The following G2E3 variants were observed in gnomAD, a reference collection of about 807,000 sequenced individuals.
The protein encoded by G2E3 is G2/M-phase specific E3 ubiquitin protein ligase, also known as G2/M phase-specific E3 ubiquitin-protein ligase.
A neutral mutation model predicts 92.8 loss-of-function variants in G2E3; 35 were observed. The ratio of observed to expected loss-of-function variants is 0.38; its 90% CI spans 0.29 to 0.50. G2E3 has a LOEUF of 0.50. Ranked by LOEUF, G2E3 falls within the 20% of genes least tolerant of loss-of-function variation. G2E3 has a pLI of 0.94. For synonymous variants in G2E3, 242 were observed against 272.4 expected (o/e 0.89, Z 1.10); for missense variants, 554 against 823.8 (o/e 0.67, Z 4.01).
chr14:30,596,069 A>G (rs1415973133), intron 6 of G2E3, among the ~76,000 whole-genome samples: 1 of 120,798 alleles, frequency 8.3e-6, no homozygotes, highest in Non-Finnish European at 1.6e-5. Flanking sequence ...AATATCCTTT[A>G]GGTTCAGAGA....
At chr14:30,582,421 C>G (rs995799946) in intron 2 of G2E3, among the ~76,000 whole-genome samples, 3 of 152,002 alleles carry the variant, frequency 2.0e-5, no homozygotes, top group Admixed American at 2.0e-4. Context: ...TCAAGGCCCT[C>G]CATACTGGGT....
rs114200467 is a variant in G2E3, at chr14:30,584,243, T to G, written c.38-2475T>G. ...TATTGCTGAATAATATTCCATCATA[T>G]GGGCATACCATATTTTGTTTATCCA... On this transcript the variant is annotated intron_variant, in intron 2 of 14. Transcript: ENST00000206595. Among the ~76,000 whole-genome samples, 736 of 152,382 alleles carry G rather than the reference T, an allele frequency of 4.8e-3. 3 individuals are homozygous for G. Among genetic ancestry groups the G allele is most frequent in the African/African-American group, 0.017 (706 of 41,598 alleles).
intron 1 of G2E3, among the ~76,000 whole-genome samples, chr14:30,577,343 G>A (rs1555337897): frequency 6.6e-6 from 1 of 151,444 alleles, no homozygotes; most frequent in Non-Finnish European, 1.5e-5. Context: ...TTTTGTGTTA[G>A]TTATCTGTTG....
intron 1 of G2E3, among the ~76,000 whole-genome samples, chr14:30,563,041 C>T (rs1163686321): frequency 6.6e-6 from 1 of 152,072 alleles, no homozygotes; most frequent in Non-Finnish European, 1.5e-5. Context: ...CCCCCGGGCC[C>T]AGCTGTCTTT....
intron 1 of G2E3, chr14:30,560,741 A>G: frequency 1.4e-6 from 1 of 698,750 alleles, no homozygotes; most frequent in Non-Finnish European, 2.6e-6. Flanking sequence ...CACTACCTTG[A>G]AGGATTTGTT....
Position 30,617,265 on chromosome 14 carries a change from A to T in G2E3, c.*731A>T, listed in dbSNP as rs539835971. 1 of 152,130 alleles carries T rather than the reference A, an allele frequency of 6.6e-6. No homozygotes were observed. The highest frequency in any genetic ancestry group is 2.4e-5 in the African/African-American group (1 of 41,442). 9.4% of individuals were successfully genotyped at this position (152,130 alleles called of 1,614,324 possible). A position where few individuals can be genotyped will look rare whatever the true frequency, so the allele number is the denominator to read the frequency against. Reference sequence around the variant, plus strand: ...GCAAAGACTCCATCTCAAAAAAAAAAACAGAATTGCACAAATTTTCTGGAA... The same window carrying T: ...GCAAAGACTCCATCTCAAAAAAAAATACAGAATTGCACAAATTTTCTGGAA... On this transcript the variant is annotated 3_prime_UTR_variant, in exon 15 of 15. Coordinates refer to ENST00000206595, the MANE Select transcript of G2E3 (RefSeq NM_017769.5).
At chr14:30,588,553 C>T (rs566060349) in intron 3 of G2E3, among the ~76,000 whole-genome samples, 140 of 152,130 alleles carry the variant, frequency 9.2e-4, no homozygotes, top group African/African-American at 2.9e-3. Flanking sequence ...AAAGTACTGA[C>T]CCCAGACTTA....
intron 7 of G2E3, 162 bp from the exon 8 acceptor site, chr14:30,598,321 A>T: frequency 2.0e-6 from 1 of 511,236 alleles, no homozygotes; most frequent in Non-Finnish European, 3.5e-6. Flanking sequence ...CGGCAGGCGG[A>T]GGTTGCAGTG....
rs1270821932 is a variant in G2E3, at chr14:30,616,588, CT to C, written c.*58del. 1.3e-5 allele frequency: 17 copies of C among 1,322,598 alleles called. No individual in the cohort carries two copies. In the African/African-American group the frequency reaches 1.9e-4, roughly 15 times the overall value. 81.9% of individuals were successfully genotyped at this position (1,322,598 alleles called of 1,614,324 possible). A position where few individuals can be genotyped will look rare whatever the true frequency, so the allele number is the denominator to read the frequency against. On this transcript the variant is annotated 3_prime_UTR_variant, in exon 15 of 15. Transcript: ENST00000206595. ...TTTAAAAGCTGCTATTGATAACTCTCTTTTATTTCACTAACCTTTTCATCAT... is the reference window on the plus strand; with the variant it reads ...TTTAAAAGCTGCTATTGATAACTCTCTTTATTTCACTAACCTTTTCATCAT...
chr14:30,572,087 A>G (rs1430706148), intron 1 of G2E3, among the ~76,000 whole-genome samples: 2 of 151,908 alleles, frequency 1.3e-5, no homozygotes, highest in Non-Finnish European at 2.9e-5. Context: ...AGCTTTTCAG[A>G]GTGTAGTCTT....
intron 3 of G2E3, among the ~76,000 whole-genome samples, chr14:30,587,796 G>T (rs556242472): frequency 6.6e-6 from 1 of 152,306 alleles, no homozygotes; most frequent in East Asian, 1.9e-4. Context: ...GAGACAGAGA[G>T]AGAGAAATCA....
chr14:30,603,341 AG>A (rs1881670823), intron 10 of G2E3, among the ~76,000 whole-genome samples: 1 of 151,926 alleles, frequency 6.6e-6, no homozygotes, highest in East Asian at 1.9e-4. Context: ...AAAAAAAAAA[AG>A]GTAGCAAAAT....
At chr14:30,567,841 C>T (rs989799453) in intron 1 of G2E3, among the ~76,000 whole-genome samples, 6 of 151,898 alleles carry the variant, frequency 4.0e-5, no homozygotes, top group African/African-American at 1.4e-4. Flanking sequence ...CCATATGTTT[C>T]TCAGTTTTCC....
intron 13 of G2E3, among the ~76,000 whole-genome samples, chr14:30,612,880 T>C (rs1882158636): frequency 6.6e-6 from 1 of 152,128 alleles, no homozygotes; most frequent in African/African-American, 2.4e-5. Context: ...AAGAATTGTG[T>C]AAATGTATGA....
At chr14:30,600,483 CT>C (rs1881513870) in intron 8 of G2E3, among the ~76,000 whole-genome samples, 1 of 152,092 alleles carries the variant, frequency 6.6e-6, no homozygotes, top group Non-Finnish European at 1.5e-5. Flanking sequence ...TAATATCTCC[CT>C]CAAGAGTTTT....
chr14:30,599,262 C>T (rs1348503508), intron 8 of G2E3, among the ~76,000 whole-genome samples: 2 of 152,148 alleles, frequency 1.3e-5, no homozygotes, highest in Non-Finnish European at 2.9e-5. Context: ...GAGTCTTGCT[C>T]TGTTGCCCAG....
intron 1 of G2E3, among the ~76,000 whole-genome samples, chr14:30,566,734 T>G (rs1023872748): frequency 6.6e-6 from 1 of 152,216 alleles, no homozygotes; most frequent in African/African-American, 2.4e-5. Context: ...TGGTTCAGTG[T>G]TGACTACAAG....
chr14:30,565,511 T>C (rs1208641067), intron 1 of G2E3, among the ~76,000 whole-genome samples: 2 of 152,090 alleles, frequency 1.3e-5, no homozygotes, highest in Admixed American at 1.3e-4. Flanking sequence ...TCAGAAACCA[T>C]TGCCAAATAC....
chr14:30,565,940 G>A (rs1356397695), intron 1 of G2E3, among the ~76,000 whole-genome samples: 2 of 152,006 alleles, frequency 1.3e-5, no homozygotes, highest in African/African-American at 2.4e-5. Flanking sequence ...GATTACAGAC[G>A]TGAGCCACCA....
Sources: gnomAD v4.1 joint callset for allele counts (sites outside exome capture counted in the v4.1 genomes callset) on GRCh38, gnomAD v4.1.1 for gene constraint, MANE v1.5 for transcripts, NCBI Gene and HGNC (gene_info 2026-07-23, HGNC 2026-07-21) for gene names.